Variants in LMBRD1 observed in about 807,000 individuals in gnomAD.
LMBRD1 encodes the protein lysosomal cobalamin transport escort protein LMBD1.
A neutral mutation model predicts 74.8 loss-of-function variants in LMBRD1; 64 were observed. The ratio of observed to expected loss-of-function variants is 0.86; its 90% CI spans 0.70 to 1.05. The LOEUF (loss-of-function observed/expected upper bound fraction) is 1.05, where lower values mean the gene tolerates loss of function less well. LMBRD1 is among the 50% of genes least tolerant of loss of function. LMBRD1 has a pLI of 0.00. For synonymous variants in LMBRD1, 204 were observed against 216.3 expected (o/e 0.94, Z 0.50); for missense variants, 652 against 645.9 (o/e 1.01, Z -0.10).
At chr6:69,683,410 T>C (rs1765701894) in intron 14 of LMBRD1, among the ~76,000 whole-genome samples, 1 of 152,020 alleles carries the variant, frequency 6.6e-6, no homozygotes, top group African/African-American at 2.4e-5. Context: ...CTTTCTAGGG[T>C]AAATTAATTA....
At chr6:69,785,849 C>T (rs1338998494) in intron 2 of LMBRD1, among the ~76,000 whole-genome samples, 1 of 152,180 alleles carries the variant, frequency 6.6e-6, no homozygotes. Context: ...CTCAACAATA[C>T]ATGTCAGCCA....
intron 13 of LMBRD1, among the ~76,000 whole-genome samples, chr6:69,698,455 G>A (rs1292142288): frequency 2.6e-5 from 4 of 151,740 alleles, no homozygotes; most frequent in Admixed American, 2.0e-4. Context: ...TTTAAAAACG[G>A]AAAAAAACTA....
At chr6:69,758,491 C>T (rs1226221578) in intron 3 of LMBRD1, among the ~76,000 whole-genome samples, 1 of 152,100 alleles carries the variant, frequency 6.6e-6, no homozygotes, top group Non-Finnish European at 1.5e-5. Flanking sequence ...GAAACTGATA[C>T]ATGATGGCTT....
At chr6:69,747,301 C>CA (rs1426733265) in intron 5 of LMBRD1, among the ~76,000 whole-genome samples, 4 of 152,134 alleles carry the variant, frequency 2.6e-5, no homozygotes, top group Non-Finnish European at 5.9e-5. Flanking sequence ...CATGTGAAGA[C>CA]AGAGCAAGAA....
intron 7 of LMBRD1, among the ~76,000 whole-genome samples, chr6:69,736,698 T>C (rs1443043513): frequency 6.6e-6 from 1 of 152,178 alleles, no homozygotes; most frequent in Non-Finnish European, 1.5e-5. Context: ...CCTTCAAAAA[T>C]CCCTGTGGAA....
At chr6:69,691,893 A>G (rs985591564) in intron 14 of LMBRD1, among the ~76,000 whole-genome samples, 34 of 151,304 alleles carry the variant, frequency 2.2e-4, no homozygotes, top group African/African-American at 4.8e-4. Flanking sequence ...AAAAAAAAAA[A>G]AAAGAAAGAA....
At chr6:69,742,985 A>C (rs1307684468) in intron 5 of LMBRD1, among the ~76,000 whole-genome samples, 1 of 152,146 alleles carries the variant, frequency 6.6e-6, no homozygotes, top group Non-Finnish European at 1.5e-5. Flanking sequence ...AAGTGCTTAC[A>C]GGCATAGAGC....
intron 14 of LMBRD1, among the ~76,000 whole-genome samples, chr6:69,695,656 C>G (rs1382297326): frequency 6.6e-6 from 1 of 151,698 alleles, no homozygotes. Flanking sequence ...TAAATTGTTT[C>G]TTTGTTATCT....
intron 5 of LMBRD1, among the ~76,000 whole-genome samples, chr6:69,747,858 A>G (rs1411084999): frequency 6.6e-6 from 1 of 152,242 alleles, no homozygotes; most frequent in African/African-American, 2.4e-5. Flanking sequence ...TATCACTTAA[A>G]AGAAACTCTG....
Position 69,737,954 on chromosome 6 carries a change from A to G in LMBRD1, c.624T>C (p.Ala208=), listed in dbSNP as rs1356456081. 1.2e-6 allele frequency: 2 copies of G among 1,610,176 alleles called. No homozygotes were observed. Among genetic ancestry groups the G allele is most frequent in the Non-Finnish European group, 1.7e-6 (2 of 1,177,352 alleles). The change falls in exon 7 of 16, where the codon GCT becomes GCC. Residue 208 remains alanine, a synonymous_variant. Coordinates refer to ENST00000649934, the MANE Select transcript of LMBRD1 (RefSeq NM_018368.4). ...CCATTTCACTTACTGTGTAAGTTAT[A>G]GCTGCCAACATTCCAATCAAGGTCA... is the stretch of plus-strand genomic sequence containing the variant. ...SSLTLIGMLA[A]ITYTAYGMSA...
chr6:69,689,367 G>C (rs1350948061), intron 14 of LMBRD1, among the ~76,000 whole-genome samples: 1 of 152,086 alleles, frequency 6.6e-6, no homozygotes, highest in Non-Finnish European at 1.5e-5. Flanking sequence ...ATCTAGCAAA[G>C]CTAAGTTTAG....
intron 2 of LMBRD1, 110 bp downstream of exon 2, chr6:69,790,186 C>T (rs1347428629): frequency 5.3e-6 from 4 of 761,898 alleles, no homozygotes; most frequent in South Asian, 1.5e-5. Flanking sequence ...TGTTGTATTT[C>T]CATTCTCATT....
In LMBRD1 at chr6:69,739,177, G is replaced by A. The variant is rs144042115; in HGVS notation, c.563-1162C>T. Among the ~76,000 whole-genome samples, 12 of 152,148 alleles carry A rather than the reference G, an allele frequency of 7.9e-5. No homozygotes were observed. The South Asian group carries it at 1.2e-3, about 16-fold the overall frequency. ...TTGTAAAATGTATCTCCAAAACAGC[G>A]ATGTAAAAATCTGAAAAATTATGTG... is the stretch of plus-strand genomic sequence containing the variant. On this transcript the variant is annotated intron_variant, in intron 6 of 15. Coordinates refer to ENST00000649934, the MANE Select transcript of LMBRD1 (RefSeq NM_018368.4).
intron 14 of LMBRD1, among the ~76,000 whole-genome samples, chr6:69,677,504 G>A (rs1765572558): frequency 6.6e-6 from 1 of 152,088 alleles, no homozygotes; most frequent in Non-Finnish European, 1.5e-5. Flanking sequence ...TGCCTTGGGA[G>A]AGAAAGGGGA....
At position 69,779,190 on chromosome 6, in the gene LMBRD1, A is replaced by AAAG. The variant is rs200227801; in HGVS notation, c.307+1303_307+1304insCTT. 1.3e-3 allele frequency among the ~76,000 whole-genome samples: 202 copies of AAAG among 151,718 alleles called. 3 individuals are homozygous for AAAG. In the Middle Eastern group the frequency reaches 0.017, roughly 13 times the overall value. On this transcript the variant is annotated intron_variant, in intron 3 of 15. Transcript: ENST00000649934. ...AACAGGGCGAGACTCAGTCTCAAAA[A>AAAG]AAAAAAAAAAACAATTCAATGGAAC...
chr6:69,747,376 G>A (rs370735862), intron 5 of LMBRD1, among the ~76,000 whole-genome samples: 3 of 152,168 alleles, frequency 2.0e-5, no homozygotes, highest in African/African-American at 7.2e-5. Context: ...CACCTTCAAC[G>A]TAGACTTCTA....
chr6:69,677,563 G>C (rs980478419), intron 14 of LMBRD1, among the ~76,000 whole-genome samples: 1 of 152,016 alleles, frequency 6.6e-6, no homozygotes, highest in Non-Finnish European at 1.5e-5. Flanking sequence ...TTTGCTTCTG[G>C]GGGTCTTCCA....
chr6:69,773,246 T>C lies in LMBRD1; in HGVS notation c.307+7248A>G, dbSNP rs1014401983. Among the ~76,000 whole-genome samples, 12 of 152,126 alleles carry C rather than the reference T, an allele frequency of 7.9e-5. 1 individual carries two copies. The highest frequency in any genetic ancestry group is 6.6e-4 in the Admixed American group (10 of 15,254). On this transcript the variant is annotated intron_variant, in intron 3 of 15. Transcript: ENST00000649934. ...TGAGTGGGTTCATTATAAAAGGATGTGTGTGCCTCCATTGCCCTTCTGCCA... is the reference window on the plus strand; with the variant it reads ...TGAGTGGGTTCATTATAAAAGGATGCGTGTGCCTCCATTGCCCTTCTGCCA...
intron 6 of LMBRD1, among the ~76,000 whole-genome samples, chr6:69,740,844 C>G (rs181875615): frequency 6.6e-6 from 1 of 152,106 alleles, no homozygotes; most frequent in African/African-American, 2.4e-5. Flanking sequence ...ATATGATACA[C>G]AATATTTTAA....
Sources: allele counts gnomAD v4.1 joint callset (sites outside exome capture counted in the v4.1 genomes callset), GRCh38; gene constraint gnomAD v4.1.1; transcripts MANE v1.5; gene names NCBI Gene and HGNC (gene_info 2026-07-23, HGNC 2026-07-21).